Variants in KCNC2 observed in about 807,000 individuals in gnomAD.
KCNC2 encodes voltage-gated potassium channel KCNC2.
A neutral mutation model predicts 44.5 loss-of-function variants in KCNC2; 21 were observed. The ratio of observed to expected loss-of-function variants is 0.47; its 90% CI spans 0.33 to 0.68. The LOEUF (loss-of-function observed/expected upper bound fraction) is 0.68, where lower values mean the gene tolerates loss of function less well. Ranked by LOEUF, KCNC2 falls within the 30% of genes least tolerant of loss-of-function variation. The pLI, the probability that KCNC2 is intolerant of heterozygous loss-of-function variation, is 0.01. For missense variants in KCNC2, 589 were observed against 826.2 expected (o/e 0.71, Z 3.52); for synonymous variants, 391 against 339.1 (o/e 1.15, Z -1.68).
chr12:75,041,475 G>A lies in KCNC2; in HGVS notation c.*1630C>T. On this transcript the variant is annotated 3_prime_UTR_variant, in exon 5 of 5. Transcript: ENST00000549446. ...TAACAAAAAATAAACATGAGAAATA[G>A]GAATTAATCAGCAGTCTCAAGGCTC... is the stretch of plus-strand genomic sequence containing the variant. The A allele has an allele frequency of 8.2e-7, 1 of 1,214,744 alleles. No homozygotes were observed. Among genetic ancestry groups the A allele is most frequent in the South Asian group, 2.0e-5 (1 of 49,062 alleles). The allele number at this position is 1,214,744 out of a possible 1,614,324, so 75.2% of individuals were successfully genotyped here.
intron 2 of KCNC2, among the ~76,000 whole-genome samples, chr12:75,072,248 C>A (rs796373087): frequency 5.5e-4 from 83 of 152,262 alleles, no homozygotes; most frequent in African/African-American, 1.9e-3. Flanking sequence ...GGGAGAAGAA[C>A]TAAAGTCGCC....
rs199945851 is a variant in KCNC2 at position 75,207,378 on chromosome 12, G to A, written c.606C>T (p.Asp202=). ...GCCTCCTCCAGCGGCCAGATTTGCCGTCGGGGCCCCCGAGCCCCGCCGCGT... is the reference window on the plus strand; with the variant it reads ...GCCTCCTCCAGCGGCCAGATTTGCCATCGGGGCCCCCGAGCCCCGCCGCGT... ...IEDAAGLGGP[D]GKSGRWRRLQ... is the part of the protein sequence containing the mutation. Residue 202 remains aspartate, a synonymous_variant, in exon 2 of 5, where the codon GAC becomes GAT. Coordinates refer to ENST00000549446, the MANE Select transcript of KCNC2 (RefSeq NM_139137.4). This position sits in a 1 kb window ranked among gnomAD's most constrained non-coding sequence, Gnocchi z 4.1. The A allele has an allele frequency of 7.6e-6, 12 of 1,580,008 alleles. No individual in the cohort carries two copies. Among genetic ancestry groups the A allele is most frequent in the South Asian group, 3.5e-5 (3 of 86,940 alleles).
rs113290353 is a variant in KCNC2 at position 75,075,430 on chromosome 12, C to G, written c.688-24113G>C. ...GTTGAATGTCTCCAAATATTAAATC[C>G]AATTCTCAGGAGAGAAATATATATA... On this transcript the variant is annotated intron_variant, in intron 2 of 4. Coordinates refer to ENST00000549446, the MANE Select transcript of KCNC2 (RefSeq NM_139137.4). 1.1e-4 allele frequency among the ~76,000 whole-genome samples: 15 copies of G among 140,374 alleles called. 1 individual carries two copies. The South Asian group carries it at 3.2e-3, about 30-fold the overall frequency. The allele number at this position is 140,374 out of a possible 152,430, so 92.1% of individuals were successfully genotyped here.
Position 75,043,012 on chromosome 12 carries a change from T to C in KCNC2, c.*93A>G. Reference sequence around the variant, plus strand: ...AGATTTATACTGTATTAATGGAGCCTGGAGTAACTCTACATTTAATTATTT... The same window carrying C: ...AGATTTATACTGTATTAATGGAGCCCGGAGTAACTCTACATTTAATTATTT... On this transcript the variant is annotated 3_prime_UTR_variant, in exon 5 of 5. Coordinates refer to ENST00000549446, the MANE Select transcript of KCNC2 (RefSeq NM_139137.4). 1 of 1,555,506 alleles carries C rather than the reference T, an allele frequency of 6.4e-7. No individual in the cohort carries two copies. Among genetic ancestry groups the C allele is most frequent in the Non-Finnish European group, 8.7e-7 (1 of 1,152,404 alleles).
At chr12:75,070,692 A>G (rs1443467243) in intron 2 of KCNC2, among the ~76,000 whole-genome samples, 4 of 151,892 alleles carry the variant, frequency 2.6e-5, no homozygotes, top group South Asian at 2.1e-4. Flanking sequence ...ATATAAATGC[A>G]TTATTAATAT....
At chr12:75,076,304 T>C (rs938656444) in intron 2 of KCNC2, among the ~76,000 whole-genome samples, 1 of 151,594 alleles carries the variant, frequency 6.6e-6, no homozygotes, top group Non-Finnish European at 1.5e-5. Flanking sequence ...TTTCTGAGAC[T>C]GAGTCTCGCT....
intron 2 of KCNC2, among the ~76,000 whole-genome samples, chr12:75,128,430 T>C (rs113110457): frequency 6.6e-6 from 1 of 152,120 alleles, no homozygotes; most frequent in Non-Finnish European, 1.5e-5. Context: ...TAAAAAACAA[T>C]ACTTGGAGAA....
intron 2 of KCNC2, among the ~76,000 whole-genome samples, chr12:75,068,506 T>C (rs1883059551): frequency 6.6e-6 from 1 of 152,138 alleles, no homozygotes; most frequent in African/African-American, 2.4e-5. Context: ...ATTATTTAAG[T>C]AGGTTAATAA....
intron 2 of KCNC2, among the ~76,000 whole-genome samples, chr12:75,164,396 A>G (rs1197454189): frequency 6.6e-6 from 1 of 151,726 alleles, no homozygotes; most frequent in Non-Finnish European, 1.5e-5. Context: ...AGGATGTCAC[A>G]AGTCAATTTG....
intron 2 of KCNC2, among the ~76,000 whole-genome samples, chr12:75,078,613 G>A (rs921022775): frequency 6.6e-6 from 1 of 152,068 alleles, no homozygotes; most frequent in Non-Finnish European, 1.5e-5. Context: ...CCTATTTAGT[G>A]TCTACTACTC....
At chr12:75,058,244 T>G (rs1467071409) in intron 2 of KCNC2, among the ~76,000 whole-genome samples, 1 of 151,890 alleles carries the variant, frequency 6.6e-6, no homozygotes, top group East Asian at 1.9e-4. Context: ...TTAATAATGA[T>G]AATGGACAAT....
At chr12:75,133,489 A>C (rs1158605823) in intron 2 of KCNC2, among the ~76,000 whole-genome samples, 1 of 151,864 alleles carries the variant, frequency 6.6e-6, no homozygotes, top group African/African-American at 2.4e-5. Flanking sequence ...CAAGGATTTT[A>C]ATTTAAGTTT....
chr12:75,207,455 C>A lies in KCNC2; in HGVS notation c.529G>T (p.Gly177Cys), dbSNP rs768386344. 8 of 1,611,430 alleles carry A rather than the reference C, an allele frequency of 5.0e-6. No homozygotes were observed. Among genetic ancestry groups the A allele is most frequent in the Non-Finnish European group, 5.9e-6 (7 of 1,179,162 alleles). ...DIFETPDLIG[G>C]DPGDDEDLAA... ...AGGTCCTCGTCGTCGCCGGGGTCGC[C>A]GCCAATGAGGTCGGGGGTCTCGAAG... Residue 177 changes from glycine (G) to cysteine (C), a missense_variant, in exon 2 of 5, where the codon GGC becomes TGC. This residue lies in a region of KCNC2 where 97 missense variants were observed against 73.3 expected (regional missense o/e 1.32). Coordinates refer to ENST00000549446, the MANE Select transcript of KCNC2 (RefSeq NM_139137.4). The surrounding 1 kb of genome is among the most constrained non-coding windows in gnomAD (Gnocchi z 4.1).
chr12:75,076,380 C>T (rs1205422195), intron 2 of KCNC2, among the ~76,000 whole-genome samples: 3 of 152,142 alleles, frequency 2.0e-5, no homozygotes, highest in Non-Finnish European at 4.4e-5. Flanking sequence ...TCACGCCATT[C>T]TCCTGCCTCA....
intron 2 of KCNC2, among the ~76,000 whole-genome samples, chr12:75,059,896 T>G (rs944773732): frequency 2.6e-5 from 4 of 152,132 alleles, no homozygotes; most frequent in African/African-American, 9.6e-5. Flanking sequence ...TGTCTTAAAA[T>G]CTGGTAATCT....
intron 2 of KCNC2, among the ~76,000 whole-genome samples, chr12:75,099,586 T>A (rs1886208511): frequency 6.6e-6 from 1 of 152,166 alleles, no homozygotes; most frequent in East Asian, 1.9e-4. Context: ...ACATATGGTG[T>A]TTACAAGAAT....
At chr12:75,084,520 G>T (rs1884830004) in intron 2 of KCNC2, among the ~76,000 whole-genome samples, 1 of 151,852 alleles carries the variant, frequency 6.6e-6, no homozygotes, top group Non-Finnish European at 1.5e-5. Context: ...GAGTTTATCA[G>T]GGGTTTCTGC....
intron 2 of KCNC2, among the ~76,000 whole-genome samples, chr12:75,163,933 C>A (rs1441429644): frequency 6.6e-6 from 1 of 151,662 alleles, no homozygotes; most frequent in African/African-American, 2.4e-5. Context: ...GTGAAACAAA[C>A]CCCAGGTGTT....
chr12:75,148,548 G>T lies in KCNC2; in HGVS notation c.687+58749C>A, dbSNP rs115184384. On this transcript the variant is annotated intron_variant, in intron 2 of 4. Transcript: ENST00000549446. ...ATTTTAGTAATTTAAAACAAGAAAG[G>T]CTAGCTTGGTGACTATGATATTTCA... Among the ~76,000 whole-genome samples, 251 of 152,024 alleles carry T rather than the reference G, an allele frequency of 1.7e-3. 2 individuals are homozygous for T. Among genetic ancestry groups the T allele is most frequent in the African/African-American group, 5.9e-3 (244 of 41,484 alleles).
Sources: gnomAD v4.1 joint callset for allele counts (sites outside exome capture counted in the v4.1 genomes callset) on GRCh38, gnomAD v4.1.1 for gene constraint, gnomAD v4.1.1 regional missense constraint, Gnocchi (gnomAD v3.1) non-coding constraint, MANE v1.5 for transcripts, NCBI Gene and HGNC (gene_info 2026-07-23, HGNC 2026-07-21) for gene names.